The following ANO4 variants were observed in gnomAD, a reference collection of about 807,000 sequenced individuals.
ANO4 encodes the protein anoctamin 4, also known as anoctamin-4.
A neutral mutation model predicts 141.9 loss-of-function variants in ANO4; 69 were observed. That is an observed-to-expected ratio of 0.49 (90% CI 0.40 to 0.59). The LOEUF is 0.59. Ranked by LOEUF, ANO4 falls within the 20% of genes least tolerant of loss-of-function variation. The probability of loss-of-function intolerance (pLI) is 0.00; values close to 1 mark genes in which losing one functional copy is unlikely to be tolerated. For missense variants in ANO4, 894 were observed against 1,162.2 expected (o/e 0.77, Z 3.36); for synonymous variants, 350 against 394.3 (o/e 0.89, Z 1.33).
chr12:101,027,366 C>T (rs2046785361), intron 9 of ANO4, among the ~76,000 whole-genome samples: 1 of 152,160 alleles, frequency 6.6e-6, no homozygotes, highest in Non-Finnish European at 1.5e-5. Flanking sequence ...GTGACCAGTG[C>T]CACAGCTGCT....
intron 14 of ANO4, among the ~76,000 whole-genome samples, chr12:101,052,096 G>A (rs1388310051): frequency 6.6e-6 from 1 of 152,112 alleles, no homozygotes; most frequent in African/African-American, 2.4e-5. Flanking sequence ...TGTTCATTTT[G>A]TTACCTTTGC....
At chr12:101,045,470 G>A (rs1242717658) in intron 13 of ANO4, among the ~76,000 whole-genome samples, 4 of 152,214 alleles carry the variant, frequency 2.6e-5, no homozygotes, top group Non-Finnish European at 5.9e-5. Flanking sequence ...CAGAATTGGA[G>A]TTATACAGGG....
Position 100,952,974 on chromosome 12 carries a change from G to GA in ANO4, c.456+10446dup, listed in dbSNP as rs146778728. Among the ~76,000 whole-genome samples, 1,082 of 152,090 alleles carry GA rather than the reference G, an allele frequency of 7.1e-3. 11 individuals are homozygous for GA. Among genetic ancestry groups the GA allele is most frequent in the African/African-American group, 0.025 (1,019 of 41,498 alleles). Reference sequence around the variant, plus strand: ...CAGTCAAGACAGACCAACTTTAAGGGAAAAAAATACCCATTATACAAGGCA... The same window carrying GA: ...CAGTCAAGACAGACCAACTTTAAGGGAAAAAAAATACCCATTATACAAGGCA... On this transcript the variant is annotated intron_variant, in intron 5 of 27. Transcript: ENST00000392977.
chr12:100,901,678 C>A lies in ANO4; in HGVS notation c.-108C>A. On this transcript the variant is annotated 5_prime_UTR_variant, in exon 2 of 28. Transcript: ENST00000392977. ...TTTATCTATTCATGGGGCTGAAAAG[C>A]GTTTGCAAATCCATCAACGGCGAAG... is the stretch of plus-strand genomic sequence containing the variant. The A allele has an allele frequency of 1.1e-6, 1 of 939,194 alleles. No homozygotes were observed. The highest frequency in any genetic ancestry group is 1.8e-6 in the Non-Finnish European group (1 of 564,200). 58.2% of individuals were successfully genotyped at this position (939,194 alleles called of 1,614,324 possible).
intron 5 of ANO4, among the ~76,000 whole-genome samples, chr12:100,959,692 T>C (rs2136231192): frequency 6.6e-6 from 1 of 152,368 alleles, no homozygotes; most frequent in African/African-American, 2.4e-5. Flanking sequence ...ATGCTTCTCT[T>C]GGCTTTGGTG....
In ANO4 at chr12:100,805,681, T is replaced by A. The variant is rs553099425; in HGVS notation, c.-141+10654T>A. On this transcript the variant is annotated intron_variant, in intron 1 of 27. Transcript: ENST00000392977. ...CCTTGAAGTGGTCCTTCACTTCCCTTGCTAGCTCTATTCCTAGGTATTTTA... is the reference window on the plus strand; with the variant it reads ...CCTTGAAGTGGTCCTTCACTTCCCTAGCTAGCTCTATTCCTAGGTATTTTA... Among the ~76,000 whole-genome samples the A allele has an allele frequency of 1.6e-4, 24 of 152,286 alleles. No individual in the cohort carries two copies. In the South Asian group the frequency reaches 1.7e-3, roughly 11 times the overall value.
chr12:100,976,807 G>A (rs1040866857), intron 7 of ANO4, among the ~76,000 whole-genome samples: 2 of 152,208 alleles, frequency 1.3e-5, no homozygotes, highest in Admixed American at 6.5e-5. Context: ...GCAAGGTGAA[G>A]AGAGGTTTCT....
At chr12:100,884,332 A>G (rs1157622183) in intron 1 of ANO4, among the ~76,000 whole-genome samples, 1 of 152,168 alleles carries the variant, frequency 6.6e-6, no homozygotes, top group Non-Finnish European at 1.5e-5. Flanking sequence ...TTAAATATCG[A>G]TTAAGGAAAT....
intron 14 of ANO4, among the ~76,000 whole-genome samples, chr12:101,073,236 G>A (rs1593194568): frequency 6.6e-6 from 1 of 152,246 alleles, no homozygotes; most frequent in Non-Finnish European, 1.5e-5. Flanking sequence ...GGCATACTAT[G>A]CAGCCATAAA....
chr12:100,937,567 A>G (rs1429466948), intron 3 of ANO4, among the ~76,000 whole-genome samples: 1 of 152,178 alleles, frequency 6.6e-6, no homozygotes, highest in East Asian at 1.9e-4. Context: ...GCTGTATGAA[A>G]AGACCATGGT....
At chr12:100,863,398 C>T (rs1027052107) in intron 1 of ANO4, among the ~76,000 whole-genome samples, 2 of 152,172 alleles carry the variant, frequency 1.3e-5, no homozygotes, top group African/African-American at 4.8e-5. Context: ...CATTGACTTT[C>T]AATACTCAGC....
At position 100,987,760 on chromosome 12, in the gene ANO4, G is replaced by A. The variant is rs185943910; in HGVS notation, c.734+90G>A. The stretch of plus-strand genomic sequence containing the variant: ...GCACGCCTTTGATTCCTGGGCATGA[G>A]GAAGGAACAGCATAGTGCCCTTCTC... On this transcript the variant is annotated intron_variant, in intron 8 of 27. Transcript: ENST00000392977. The A allele has an allele frequency of 5.3e-4, 816 of 1,532,052 alleles. 2 individuals are homozygous for A. Among genetic ancestry groups the A allele is most frequent in the Non-Finnish European group, 6.5e-4 (736 of 1,134,212 alleles). The allele number at this position is 1,532,052 out of a possible 1,614,324, so 94.9% of individuals were successfully genotyped here.
chr12:100,821,547 T>TGACA lies in ANO4; in HGVS notation c.-141+26522_-141+26523insCAGA, dbSNP rs903552990. ...CATAGAGTCAGAGAAAGAATAGAGA[T>TGACA]GAAGACAGAGTCACATATGTGAAGT... On this transcript the variant is annotated intron_variant, in intron 1 of 27. Transcript: ENST00000392977. 1.2e-4 allele frequency among the ~76,000 whole-genome samples: 6 copies of TGACA among 50,264 alleles called. No individual in the cohort carries two copies. In the South Asian group the frequency reaches 2.0e-3, roughly 17 times the overall value. The allele number at this position is 50,264 out of a possible 152,430, so 33.0% of individuals were successfully genotyped here.
intron 1 of ANO4, among the ~76,000 whole-genome samples, chr12:100,800,157 A>G (rs575650901): frequency 5.3e-5 from 8 of 152,342 alleles, no homozygotes; most frequent in Admixed American, 4.6e-4. Context: ...TACAAAAACT[A>G]TGCATAGTTT....
At chr12:101,125,569 G>A (rs2051277616) in intron 26 of ANO4, among the ~76,000 whole-genome samples, 1 of 152,166 alleles carries the variant, frequency 6.6e-6, no homozygotes, top group Non-Finnish European at 1.5e-5. Flanking sequence ...AATGCTTATT[G>A]AGAATTTTTA....
At chr12:101,087,662 TC>T (rs2049561862) in intron 17 of ANO4, among the ~76,000 whole-genome samples, 1 of 152,090 alleles carries the variant, frequency 6.6e-6, no homozygotes, top group South Asian at 2.1e-4. Flanking sequence ...CTTTCCTGAA[TC>T]CCCAAACTCA....
intron 14 of ANO4, among the ~76,000 whole-genome samples, chr12:101,076,065 A>G (rs616216): frequency 6.6e-6 from 1 of 151,982 alleles, no homozygotes; most frequent in Non-Finnish European, 1.5e-5. Flanking sequence ...TTCTCTTCCT[A>G]TTGAGTACTA....
intron 14 of ANO4, chr12:101,068,557 TA>T: frequency 7.4e-7 from 1 of 1,357,296 alleles, no homozygotes; most frequent in Non-Finnish European, 1.1e-6. Flanking sequence ...GGAAAAATAC[TA>T]AAGAGATGTT....
Position 101,061,536 on chromosome 12 carries a change from G to T in ANO4, c.1312+13135G>T, listed in dbSNP as rs191759719. 4.9e-3 allele frequency among the ~76,000 whole-genome samples: 746 copies of T among 151,890 alleles called. 7 individuals are homozygous for T. The highest frequency in any genetic ancestry group is 0.017 in the African/African-American group (714 of 41,446). ...GGTACACCAATCAAATGTAGGTTTG[G>T]TTTTTTCACATAGTCCCATATTTCT... On this transcript the variant is annotated intron_variant, in intron 14 of 27. Coordinates refer to ENST00000392977, the MANE Select transcript of ANO4 (RefSeq NM_001286615.2).
Sources: allele counts gnomAD v4.1 joint callset (sites outside exome capture counted in the v4.1 genomes callset), GRCh38; gene constraint gnomAD v4.1.1; transcripts MANE v1.5; gene names NCBI Gene and HGNC (gene_info 2026-07-23, HGNC 2026-07-21).